Variants in SHROOM2 observed in about 807,000 individuals in gnomAD.
SHROOM2 encodes the protein shroom family member 2, also known as protein Shroom2.
A neutral mutation model predicts 75.9 loss-of-function variants in SHROOM2; 33 were observed. The observed-to-expected ratio is 0.43, with a 90% confidence interval of 0.33 to 0.58. SHROOM2 has a LOEUF of 0.58. SHROOM2 is among the 20% of genes least tolerant of loss of function. SHROOM2 has a pLI of 0.04. For missense variants in SHROOM2, 1,434 were observed against 1,461.2 expected (o/e 0.98, Z 0.30); for synonymous variants, 655 against 663.6 (o/e 0.99, Z 0.20).
At chrX:9,863,736 CCCG>C (rs1196439268) in intron 1 of SHROOM2, among the ~76,000 whole-genome samples, 1 of 109,981 alleles carries the variant, frequency 9.1e-6, no homozygotes, top group Non-Finnish European at 1.9e-5. Flanking sequence ...CTCAGGTGAT[CCCG>C]CCATAGCCTC....
rs1463352128 is a variant in SHROOM2 at position 9,937,200 on chromosome X, G to A, written c.3654G>A (p.Glu1218=). Residue 1218 remains glutamate, a synonymous_variant, in exon 7 of 10, where the codon GAG becomes GAA. Transcript: ENST00000380913. ...KMVPIKIVHS[E]SQPEKESRQS... Reference sequence around the variant, plus strand: ...TGCCCATCAAGATCGTGCACTCGGAGAGCCAGCCAGAGAAGGAGAGCCGCC... The same window carrying A: ...TGCCCATCAAGATCGTGCACTCGGAAAGCCAGCCAGAGAAGGAGAGCCGCC... 9 of 1,204,687 alleles carry A rather than the reference G, an allele frequency of 7.5e-6. No homozygotes were observed. Among genetic ancestry groups the A allele is most frequent in the Non-Finnish European group, 9.0e-6 (8 of 891,993 alleles).
intron 1 of SHROOM2, among the ~76,000 whole-genome samples, chrX:9,863,011 G>A (rs1467230561): frequency 9.0e-6 from 1 of 111,075 alleles, no homozygotes; most frequent in African/African-American, 3.3e-5. Context: ...GAGGCCCCAG[G>A]ATCTTTGCTA....
intron 1 of SHROOM2, among the ~76,000 whole-genome samples, chrX:9,808,195 T>C (rs2083766770): frequency 9.0e-6 from 1 of 110,980 alleles, no homozygotes; most frequent in African/African-American, 3.3e-5. Context: ...GGAGTTCCTT[T>C]ACTTGGGGGT....
At chrX:9,792,327 A>C (rs1261543257) in intron 1 of SHROOM2, among the ~76,000 whole-genome samples, 1 of 110,668 alleles carries the variant, frequency 9.0e-6, no homozygotes. Context: ...GGATAATACT[A>C]TATCATTAAA....
At position 9,819,292 on chromosome X, in the gene SHROOM2, G is replaced by A. The variant is rs1475260918; in HGVS notation, c.165+32582G>A. On this transcript the variant is annotated intron_variant, in intron 1 of 9. Coordinates refer to ENST00000380913, the MANE Select transcript of SHROOM2 (RefSeq NM_001649.4). ...TGAGATCCATTCACAATGTAACAATGTATCCCACCAAAATACTTGGTGGGA... is the reference window on the plus strand; with the variant it reads ...TGAGATCCATTCACAATGTAACAATATATCCCACCAAAATACTTGGTGGGA... The A allele has an allele frequency of 1.6e-5, 9 of 576,832 alleles. No individual in the cohort carries two copies. The African/African-American group carries it at 1.6e-4, about 10-fold the overall frequency. The allele number at this position is 576,832 out of a possible 1,213,427, so 47.5% of individuals were successfully genotyped here. A position where few individuals can be genotyped will look rare whatever the true frequency, so the allele number is the denominator to read the frequency against.
chrX:9,944,183 A>T (rs1381458813), intron 8 of SHROOM2, among the ~76,000 whole-genome samples: 1 of 112,233 alleles, frequency 8.9e-6, no homozygotes, highest in Non-Finnish European at 1.9e-5. Context: ...AATAAAAATA[A>T]TTGCTAGTGA....
intron 1 of SHROOM2, among the ~76,000 whole-genome samples, chrX:9,792,165 C>G (rs1446430329): frequency 1.9e-5 from 2 of 102,575 alleles, no homozygotes; most frequent in Non-Finnish European, 3.9e-5. Context: ...AGAATAATCA[C>G]CAGTATCTGA....
chrX:9,922,082 C>A (rs897838119), intron 5 of SHROOM2, among the ~76,000 whole-genome samples: 7 of 111,889 alleles, frequency 6.3e-5, no homozygotes, highest in Non-Finnish European at 1.1e-4. Context: ...GAAATGAGTT[C>A]TCTGTCTGTT....
intron 1 of SHROOM2, among the ~76,000 whole-genome samples, chrX:9,822,982 ATAATTCTTCTTCTTC>A (rs1336093983): frequency 4.4e-5 from 4 of 90,876 alleles, no homozygotes; most frequent in East Asian, 5.4e-4. Context: ...AATAAGAATA[ATAATTCTTCTTCTTC>A]TTCTTCTTCT....
Position 9,896,565 on chromosome X carries a change from C to T in SHROOM2, c.2657C>T (p.Pro886Leu). The T allele has an allele frequency of 1.7e-6, 2 of 1,210,735 alleles. No homozygotes were observed. Among genetic ancestry groups the T allele is most frequent in the Non-Finnish European group, 2.2e-6 (2 of 895,089 alleles). ...YQASWKEQRK[P>L]LEARSSGRCH... ...GCCTCTTGGAAGGAACAGAGGAAACCTCTGGAGGCCAGGAGCTCTGGGCGC... is the reference window on the plus strand; with the variant it reads ...GCCTCTTGGAAGGAACAGAGGAAACTTCTGGAGGCCAGGAGCTCTGGGCGC... Residue 886 changes from proline to leucine, a missense_variant, in exon 4 of 10, where the codon CCT (proline) becomes CTT (leucine). Around this residue, in one of 3 missense-constraint regions of SHROOM2, gnomAD observed 1,340 missense variants for 1,338.3 expected, o/e 1.00. Coordinates refer to ENST00000380913, the MANE Select transcript of SHROOM2 (RefSeq NM_001649.4).
chrX:9,891,236 G>A (rs2084290313), intron 3 of SHROOM2, 128 bp downstream of exon 3: 1 of 860,533 alleles, frequency 1.2e-6, no homozygotes. Context: ...ACAGTTGGAG[G>A]GCTCTGAATT....
chrX:9,914,316 G>C (rs1345464145), intron 5 of SHROOM2, among the ~76,000 whole-genome samples: 1 of 109,504 alleles, frequency 9.1e-6, no homozygotes, highest in African/African-American at 3.3e-5. Flanking sequence ...TGCATGGGCT[G>C]GCTGCTCTTC....
chrX:9,823,163 T>TCCC (rs2083868196), intron 1 of SHROOM2, among the ~76,000 whole-genome samples: 4 of 41,954 alleles, frequency 9.5e-5, no homozygotes, highest in East Asian at 2.2e-3. Flanking sequence ...CTTCTTCTTC[T>TCCC]TTTCTTCTTC....
At chrX:9,870,367 C>G (rs1408689738) in intron 1 of SHROOM2, among the ~76,000 whole-genome samples, 1 of 112,158 alleles carries the variant, frequency 8.9e-6, no homozygotes, top group Non-Finnish European at 1.9e-5. Context: ...TGCTTTACTA[C>G]GTAAAATGTT....
chrX:9,911,429 G>A (rs932469726), intron 5 of SHROOM2, among the ~76,000 whole-genome samples: 1 of 112,479 alleles, frequency 8.9e-6, no homozygotes, highest in Non-Finnish European at 1.9e-5. Flanking sequence ...TTGGAGAAAT[G>A]AGCAAGAGTT....
At chrX:9,862,054 C>T (rs1369831214) in intron 1 of SHROOM2, among the ~76,000 whole-genome samples, 2 of 112,176 alleles carry the variant, frequency 1.8e-5, no homozygotes, top group African/African-American at 6.5e-5. Flanking sequence ...TACGGCTTTT[C>T]TGTTTACAGA....
Position 9,932,725 on chromosome X carries a change from C to T in SHROOM2, c.3442C>T (p.Pro1148Ser), listed in dbSNP as rs1161616533. The T allele has an allele frequency of 8.3e-7, 1 of 1,209,719 alleles. No homozygotes were observed. The highest frequency in any genetic ancestry group is 1.1e-6 in the Non-Finnish European group (1 of 895,294). ...HVSGDASRPL[P>S]EALLPPKQQH... ...GAGCGGGGACGCATCACGTCCTCTG[C>T]CAGAAGCACTGCTCCCTCCCAAGCA... The change falls in exon 6 of 10, where the codon CCA (proline) becomes TCA (serine). Residue 1148 changes from proline (P) to serine (S), a missense_variant. Around this residue, in one of 3 missense-constraint regions of SHROOM2, gnomAD observed 1,340 missense variants for 1,338.3 expected, o/e 1.00. Transcript: ENST00000380913.
In SHROOM2 at chrX:9,793,623, C is replaced by T. The variant is rs144959007; in HGVS notation, c.165+6913C>T. ...CACTCTTTTTCATTGCTCATCTACC[C>T]TCCCCCAACTACTCAGGCACAATTC... On this transcript the variant is annotated intron_variant, in intron 1 of 9. Transcript: ENST00000380913. Among the ~76,000 whole-genome samples the T allele has an allele frequency of 3.3e-3, 365 of 110,919 alleles. 4 individuals carry two copies. The highest frequency in any genetic ancestry group is 0.011 in the African/African-American group (344 of 30,539).
chrX:9,838,290 G>A (rs1281211635), intron 1 of SHROOM2, among the ~76,000 whole-genome samples: 1 of 110,107 alleles, frequency 9.1e-6, no homozygotes, highest in Non-Finnish European at 1.9e-5. Context: ...TCGATCTCCT[G>A]ACCTCGTGAT....
Sources: allele counts gnomAD v4.1 joint callset (sites outside exome capture counted in the v4.1 genomes callset), GRCh38; gene constraint gnomAD v4.1.1; regional missense constraint gnomAD v4.1.1; transcripts MANE v1.5; gene names NCBI Gene and HGNC (gene_info 2026-07-23, HGNC 2026-07-21).